NCKAP5: variants seen among roughly 807,000 people sequenced by gnomAD.
NCKAP5 encodes nck-associated protein 5.
Under a neutral mutation model 167.0 loss-of-function variants are expected in NCKAP5, and 92 were observed. The ratio of observed to expected loss-of-function variants is 0.55; its 90% CI spans 0.47 to 0.66. NCKAP5 has a LOEUF of 0.66. NCKAP5 is among the 30% of genes least tolerant of loss of function. The pLI is 0.00. For synonymous variants in NCKAP5, 891 were observed against 877.4 expected, an observed-to-expected ratio of 1.02 and a Z score of -0.27; for missense variants, 2,378 against 2,315.0, an observed-to-expected ratio of 1.03 and a Z score of -0.56.
At chr2:133,604,392 G>C in the NCKAP5 span, among the ~76,000 whole-genome samples, 1 of 151,816 alleles carries the variant, frequency 6.6e-6, no homozygotes, top group African/African-American at 2.4e-5. Flanking sequence ...TTTTAGTAGA[G>C]ATGGGGTTTC....
rs762344670 is a variant in NCKAP5, at chr2:133,248,311, G to A, written c.144-34532C>T. Among the ~76,000 whole-genome samples, 6 of 152,248 alleles carry A rather than the reference G, an allele frequency of 3.9e-5. No homozygotes were observed. The East Asian group carries it at 7.7e-4, about 20-fold the overall frequency. The stretch of plus-strand genomic sequence containing the variant: ...AGAAGTTGGGCGTCTTCCACTTCCC[G>A]CCCTATGCTATTCAGAAAGGGTTTC... On this transcript the variant is annotated intron_variant, in intron 4 of 19. Transcript: ENST00000409261.
At chr2:133,230,745 C>T (rs1387338741) in intron 4 of NCKAP5, among the ~76,000 whole-genome samples, 1 of 152,136 alleles carries the variant, frequency 6.6e-6, no homozygotes, top group African/African-American at 2.4e-5. Context: ...CCTCTTTTCC[C>T]TCAGCTATCT....
At chr2:133,055,653 C>G (rs949199990) in intron 6 of NCKAP5, among the ~76,000 whole-genome samples, 2 of 151,968 alleles carry the variant, frequency 1.3e-5, no homozygotes, top group African/African-American at 4.8e-5. Context: ...CTCTGAAATG[C>G]ACACACAGAG....
intron 5 of NCKAP5, among the ~76,000 whole-genome samples, chr2:133,177,384 C>A (rs920794986): frequency 2.6e-5 from 4 of 151,960 alleles, no homozygotes; most frequent in African/African-American, 4.8e-5. Flanking sequence ...TGGACCAAAC[C>A]ATGAAGATGA....
At chr2:133,345,197 C>T (rs1683884743) in intron 3 of NCKAP5, among the ~76,000 whole-genome samples, 1 of 152,090 alleles carries the variant, frequency 6.6e-6, no homozygotes, top group African/African-American at 2.4e-5. Context: ...TGAGGAGCAC[C>T]TCTGCCCAGC....
intron 6 of NCKAP5, among the ~76,000 whole-genome samples, chr2:133,021,261 G>A (rs1375616345): frequency 6.6e-6 from 1 of 152,190 alleles, no homozygotes; most frequent in East Asian, 1.9e-4. Context: ...TGCCTAGAGA[G>A]CTGGGTCCCC....
intron 5 of NCKAP5, among the ~76,000 whole-genome samples, chr2:133,192,799 G>C (rs1159100852): frequency 6.6e-6 from 1 of 152,080 alleles, no homozygotes. Context: ...CTCATACATT[G>C]TTGGTAGGAA....
chr2:133,398,699 A>T (rs1687909736), intron 3 of NCKAP5, among the ~76,000 whole-genome samples: 1 of 152,216 alleles, frequency 6.6e-6, no homozygotes, highest in Non-Finnish European at 1.5e-5. Context: ...TATGTGATAT[A>T]TCAACATTGA....
chr2:133,619,915 A>T, the NCKAP5 span, among the ~76,000 whole-genome samples: 3 of 152,114 alleles, frequency 2.0e-5, no homozygotes, highest in African/African-American at 4.8e-5. Flanking sequence ...CTCAGCAGAA[A>T]CCCTACAAGC....
At chr2:133,046,422 AG>A (rs2079401099) in intron 6 of NCKAP5, among the ~76,000 whole-genome samples, 1 of 152,130 alleles carries the variant, frequency 6.6e-6, no homozygotes, top group African/African-American at 2.4e-5. Context: ...CTCTGTCCCC[AG>A]GCTGGAGTGG....
At chr2:133,176,967 A>T (rs2084489285) in intron 5 of NCKAP5, among the ~76,000 whole-genome samples, 1 of 152,210 alleles carries the variant, frequency 6.6e-6, no homozygotes, top group East Asian at 1.9e-4. Flanking sequence ...TTAAGCTAAA[A>T]ATGTGTTATT....
chr2:132,922,553 C>T (rs1199398062), intron 8 of NCKAP5, among the ~76,000 whole-genome samples: 3 of 152,170 alleles, frequency 2.0e-5, no homozygotes, highest in African/African-American at 7.2e-5. Flanking sequence ...GACTCATCTC[C>T]CACATCTCTC....
chr2:132,683,262 A>C (rs1177835122), intron 19 of NCKAP5, among the ~76,000 whole-genome samples: 1 of 83,494 alleles, frequency 1.2e-5, no homozygotes, highest in Non-Finnish European at 2.2e-5. Flanking sequence ...GCTTGAATAG[A>C]ACCTAAAAAA....
At position 132,862,079 on chromosome 2, in the gene NCKAP5, C is replaced by T. The variant is rs189815362; in HGVS notation, c.688-1468G>A. Among the ~76,000 whole-genome samples, 5 of 152,314 alleles carry T rather than the reference C, an allele frequency of 3.3e-5. No individual in the cohort carries two copies. In the East Asian group the frequency reaches 9.7e-4, roughly 29 times the overall value. Reference sequence around the variant, plus strand: ...AAGATTTATGTATTCTGATGTGGGGCAGCTACCTATTGGGCTTAAGGCTCT... The same window carrying T: ...AAGATTTATGTATTCTGATGTGGGGTAGCTACCTATTGGGCTTAAGGCTCT... On this transcript the variant is annotated intron_variant, in intron 10 of 19. Coordinates refer to ENST00000409261, the MANE Select transcript of NCKAP5 (RefSeq NM_207363.3).
At chr2:133,160,888 C>T (rs911408165) in intron 5 of NCKAP5, among the ~76,000 whole-genome samples, 6 of 152,110 alleles carry the variant, frequency 3.9e-5, no homozygotes, top group African/African-American at 1.4e-4. Context: ...CTTATGCTTA[C>T]TAAACTACTT....
chr2:133,321,246 AC>A, intron 3 of NCKAP5, among the ~76,000 whole-genome samples: 1 of 151,926 alleles, frequency 6.6e-6, no homozygotes, highest in Non-Finnish European at 1.5e-5. Context: ...TCCCACCCTC[AC>A]CCAATCTGTG....
the NCKAP5 span, among the ~76,000 whole-genome samples, chr2:133,607,406 C>T: frequency 2.6e-5 from 4 of 152,094 alleles, no homozygotes; most frequent in Admixed American, 6.6e-5. Context: ...GTCTAGTATG[C>T]GTCCAGCTCA....
chr2:132,985,080 C>A (rs1332279750), intron 7 of NCKAP5, among the ~76,000 whole-genome samples: 2 of 151,720 alleles, frequency 1.3e-5, no homozygotes, highest in Non-Finnish European at 2.9e-5. Context: ...TTGGCAATAA[C>A]CAGCTCACCT....
At chr2:133,220,319 TA>T (rs67208607) in intron 4 of NCKAP5, among the ~76,000 whole-genome samples, 48,294 of 151,478 alleles carry the variant, frequency 0.32, 8,767 homozygotes, top group Non-Finnish European at 0.41. Context: ...TGAACAGGTA[TA>T]AAAAAAGAAT....
Sources: allele counts gnomAD v4.1 joint callset (sites outside exome capture counted in the v4.1 genomes callset), GRCh38; gene constraint gnomAD v4.1.1; transcripts MANE v1.5; gene names NCBI Gene and HGNC (gene_info 2026-07-23, HGNC 2026-07-21).